Variants in ATF7IP2 observed in about 807,000 individuals in gnomAD.
The protein encoded by ATF7IP2 is activating transcription factor 7-interacting protein 2.
In ATF7IP2, 42 loss-of-function variants were observed where a neutral mutation model predicts 64.2. That is an observed-to-expected ratio of 0.65 (90% CI 0.51 to 0.85). The LOEUF is 0.85. Among genes scored for constraint, ATF7IP2 ranks in the 40% least tolerant of loss-of-function variants. The probability of loss-of-function intolerance (pLI) is 0.00; values close to 1 mark genes in which losing one functional copy is unlikely to be tolerated. For synonymous variants in ATF7IP2, 308 were observed against 272.8 expected (o/e 1.13, Z -1.27); for missense variants, 933 against 784.2 (o/e 1.19, Z -2.27).
At chr16:10,420,398 C>T (rs900214497) in intron 3 of ATF7IP2, among the ~76,000 whole-genome samples, 1 of 152,156 alleles carries the variant, frequency 6.6e-6, no homozygotes, top group Non-Finnish European at 1.5e-5. Context: ...TTCTAATCTG[C>T]GAGGATTAAC....
rs148278855 is a variant in ATF7IP2, at chr16:10,462,777, T to A, written c.1352+5248T>A. Among the ~76,000 whole-genome samples the A allele has an allele frequency of 4.2e-3, 642 of 152,264 alleles. 2 individuals carry two copies. Among genetic ancestry groups the A allele is most frequent in the African/African-American group, 0.015 (619 of 41,548 alleles). ...TGGGAAAATTCTTGACATTATTGCT[T>A]CAGATATTGCTTCTGGAGCATTCTA... On this transcript the variant is annotated intron_variant, in intron 9 of 13. Transcript: ENST00000562102.
At chr16:10,469,869 A>G (rs1055330767) in intron 9 of ATF7IP2, among the ~76,000 whole-genome samples, 3 of 147,134 alleles carry the variant, frequency 2.0e-5, no homozygotes, top group East Asian at 2.0e-4. Flanking sequence ...GAGATCATAG[A>G]TACTTCTAAA....
At chr16:10,392,307 G>A (rs1201668682) in intron 1 of ATF7IP2, among the ~76,000 whole-genome samples, 9 of 151,554 alleles carry the variant, frequency 5.9e-5, no homozygotes, top group African/African-American at 1.5e-4. Flanking sequence ...CTAAAGTGCC[G>A]GGATTATAGT....
chr16:10,478,712 C>G (rs943054386), intron 12 of ATF7IP2, among the ~76,000 whole-genome samples: 4 of 152,160 alleles, frequency 2.6e-5, no homozygotes, highest in African/African-American at 9.7e-5. Flanking sequence ...TCAGAGTGAA[C>G]AGGCAACCTA....
intron 12 of ATF7IP2, among the ~76,000 whole-genome samples, chr16:10,477,337 C>G (rs2050047552): frequency 6.6e-6 from 1 of 152,228 alleles, no homozygotes; most frequent in African/African-American, 2.4e-5. Flanking sequence ...ATGAAGCCCA[C>G]TTGATCATGG....
intron 8 of ATF7IP2, among the ~76,000 whole-genome samples, chr16:10,443,092 G>T (rs1486573847): frequency 6.6e-6 from 1 of 152,148 alleles, no homozygotes; most frequent in African/African-American, 2.4e-5. Flanking sequence ...TTGAATTAGA[G>T]CGCAAGTACT....
intron 8 of ATF7IP2, among the ~76,000 whole-genome samples, chr16:10,450,806 C>A (rs2048961086): frequency 6.6e-6 from 1 of 152,096 alleles, no homozygotes; most frequent in African/African-American, 2.4e-5. Flanking sequence ...GGCATTTAGC[C>A]CATTTACATT....
At chr16:10,470,033 G>T (rs2049733508) in intron 9 of ATF7IP2, among the ~76,000 whole-genome samples, 1 of 152,088 alleles carries the variant, frequency 6.6e-6, no homozygotes, top group South Asian at 2.1e-4. Context: ...TTTTGGAGGA[G>T]ATTTTTCAGG....
chr16:10,400,319 G>A (rs1450941441), intron 1 of ATF7IP2, among the ~76,000 whole-genome samples: 2 of 152,194 alleles, frequency 1.3e-5, no homozygotes, highest in Non-Finnish European at 2.9e-5. Context: ...GGGATTACAG[G>A]CATTAGCCAC....
rs556546358 is a variant in ATF7IP2, at chr16:10,434,029, T to C, written c.960+380T>C. ...CATGGGGTTCTTAGATCTGCAGCTC[T>C]ATCCATTTGTAGATCTCACCACAAC... On this transcript the variant is annotated intron_variant, in intron 6 of 13. Coordinates refer to ENST00000562102, the MANE Select transcript of ATF7IP2 (RefSeq NM_001393719.1). Among the ~76,000 whole-genome samples the C allele has an allele frequency of 2.0e-5, 3 of 152,324 alleles. No individual in the cohort carries two copies. The East Asian group carries it at 5.8e-4, about 29-fold the overall frequency.
chr16:10,459,796 C>G (rs1275267367), intron 9 of ATF7IP2, among the ~76,000 whole-genome samples: 1 of 152,122 alleles, frequency 6.6e-6, no homozygotes, highest in Non-Finnish European at 1.5e-5. Context: ...CTTCTTTAAT[C>G]TGACAAAAAT....
At chr16:10,476,110 GTTGT>G (rs1489265193) in intron 12 of ATF7IP2, among the ~76,000 whole-genome samples, 10 of 152,164 alleles carry the variant, frequency 6.6e-5, no homozygotes, top group African/African-American at 2.4e-4. Context: ...AAATGTAAAG[GTTGT>G]TTGTATTAGT....
intron 1 of ATF7IP2, among the ~76,000 whole-genome samples, chr16:10,398,605 G>T (rs561060082): frequency 2.6e-5 from 4 of 152,246 alleles, no homozygotes; most frequent in Non-Finnish European, 4.4e-5. Context: ...GTATATGATG[G>T]AATACCATTT....
chr16:10,471,208 TA>T (rs992411169), intron 9 of ATF7IP2, among the ~76,000 whole-genome samples: 1 of 152,080 alleles, frequency 6.6e-6, no homozygotes. Flanking sequence ...GTACAAACAG[TA>T]AAAACAGAAG....
chr16:10,408,553 C>T (rs951789530), intron 1 of ATF7IP2, among the ~76,000 whole-genome samples: 2 of 152,166 alleles, frequency 1.3e-5, no homozygotes, highest in African/African-American at 2.4e-5. Flanking sequence ...GGTGGTATTG[C>T]ACTGTGGTTT....
At chr16:10,416,499 G>A (rs1042172574) in intron 2 of ATF7IP2, among the ~76,000 whole-genome samples, 4 of 152,080 alleles carry the variant, frequency 2.6e-5, no homozygotes, top group Non-Finnish European at 5.9e-5. Flanking sequence ...GGTATAAAAA[G>A]TAGTTAGAAT....
rs1451670227 is a variant in ATF7IP2, at chr16:10,482,922, CA to C, written c.*674del. ...AGAGATGAGGTTTCACCTTGTTGGT[CA>C]GGCTGGTCTCAAACTCCTGACCTCA... On this transcript the variant is annotated 3_prime_UTR_variant, in exon 14 of 14. Coordinates refer to ENST00000562102, the MANE Select transcript of ATF7IP2 (RefSeq NM_001393719.1). 1.3e-5 allele frequency: 2 copies of C among 152,232 alleles called. No homozygotes were observed. The highest frequency in any genetic ancestry group is 2.4e-5 in the African/African-American group (1 of 41,458). The allele number at this position is 152,232 out of a possible 1,614,324, so 9.4% of individuals were successfully genotyped here.
At chr16:10,401,362 G>A (rs1447414447) in intron 1 of ATF7IP2, among the ~76,000 whole-genome samples, 1 of 151,880 alleles carries the variant, frequency 6.6e-6, no homozygotes, top group East Asian at 1.9e-4. Context: ...TAAAGACAGG[G>A]TTTCACCATG....
intron 8 of ATF7IP2, chr16:10,449,272 C>T (rs959308845): frequency 1.3e-5 from 2 of 151,834 alleles, no homozygotes; most frequent in Non-Finnish European, 2.9e-5. Flanking sequence ...CTGAAATTTT[C>T]TTTTGTTGTG....
Sources: allele counts gnomAD v4.1 joint callset (sites outside exome capture counted in the v4.1 genomes callset), GRCh38; gene constraint gnomAD v4.1.1; transcripts MANE v1.5; gene names NCBI Gene and HGNC (gene_info 2026-07-23, HGNC 2026-07-21).